The following FAM107B variants were observed in gnomAD, a reference collection of about 807,000 sequenced individuals.
The protein encoded by FAM107B is protein FAM107B.
In FAM107B, 21 loss-of-function variants were observed where a neutral mutation model predicts 31.5. The ratio of observed to expected loss-of-function variants is 0.67; its 90% CI spans 0.47 to 0.96. The LOEUF (loss-of-function observed/expected upper bound fraction) is 0.96. Ranked by LOEUF, FAM107B falls within the 40% of genes least tolerant of loss-of-function variation. FAM107B has a pLI of 0.00. For missense variants in FAM107B, 452 were observed against 377.1 expected (o/e 1.20, Z -1.64); for synonymous variants, 157 against 141.5 (o/e 1.11, Z -0.78).
intron 1 of FAM107B, among the ~76,000 whole-genome samples, chr10:14,763,437 G>A (rs1334479081): frequency 2.0e-5 from 3 of 152,196 alleles, no homozygotes; most frequent in Admixed American, 1.3e-4. Flanking sequence ...TAGGAGGACA[G>A]ACATGTAGCC....
chr10:14,601,897 C>T (rs1852410264), intron 2 of FAM107B, among the ~76,000 whole-genome samples: 1 of 152,092 alleles, frequency 6.6e-6, no homozygotes, highest in Non-Finnish European at 1.5e-5. Flanking sequence ...AGATTTTAAA[C>T]AATTAACAGT....
intron 2 of FAM107B, among the ~76,000 whole-genome samples, chr10:14,566,059 G>T (rs2131214931): frequency 6.6e-6 from 1 of 152,280 alleles, no homozygotes; most frequent in African/African-American, 2.4e-5. Flanking sequence ...TTAGTGCTTT[G>T]CTGTTACCAT....
intron 1 of FAM107B, among the ~76,000 whole-genome samples, chr10:14,713,634 C>T (rs1855712585): frequency 6.6e-6 from 1 of 152,128 alleles, no homozygotes; most frequent in Non-Finnish European, 1.5e-5. Context: ...CCTAGCTTGT[C>T]AGCTCCTGCA....
At chr10:14,572,640 G>GT (rs148138345) in intron 2 of FAM107B, among the ~76,000 whole-genome samples, 1,594 of 150,280 alleles carry the variant, frequency 0.011, 29 homozygotes, top group African/African-American at 0.037. Context: ...GTACCCAGGA[G>GT]TTTGAGGCTG....
intron 1 of FAM107B, among the ~76,000 whole-genome samples, chr10:14,701,374 A>G (rs915547016): frequency 6.6e-6 from 1 of 151,992 alleles, no homozygotes; most frequent in African/African-American, 2.4e-5. Context: ...CCTCCTGAGA[A>G]GCTGGGATCC....
Position 14,568,082 on chromosome 10 carries a change from C to T in FAM107B, c.470-37567G>A, listed in dbSNP as rs973199321. ...GCCAGGGGCCAAAACTTTCAAGGAA[C>T]GAATGAGGAGCTACGACCACGAAAT... On this transcript the variant is annotated intron_variant, in intron 2 of 4. Transcript: ENST00000181796. Among the ~76,000 whole-genome samples, 6 of 152,184 alleles carry T rather than the reference C, an allele frequency of 3.9e-5. No individual in the cohort carries two copies. The East Asian group carries it at 5.8e-4, about 15-fold the overall frequency.
chr10:14,725,346 G>A (rs1324145879), intron 1 of FAM107B, among the ~76,000 whole-genome samples: 1 of 152,172 alleles, frequency 6.6e-6, no homozygotes, highest in Non-Finnish European at 1.5e-5. Context: ...CTCCTCAAAG[G>A]CAAGGTTTGT....
At chr10:14,747,956 T>C (rs1202825658) in intron 1 of FAM107B, among the ~76,000 whole-genome samples, 1 of 152,212 alleles carries the variant, frequency 6.6e-6, no homozygotes, top group African/African-American at 2.4e-5. Context: ...ACCAAGTTCC[T>C]TGCAACCACA....
chr10:14,676,906 T>C (rs2131488152), intron 1 of FAM107B, among the ~76,000 whole-genome samples: 1 of 152,302 alleles, frequency 6.6e-6, no homozygotes, highest in South Asian at 2.1e-4. Flanking sequence ...ACCCGGGTGA[T>C]TGCTGTAGGG....
intron 4 of FAM107B, 68 bp downstream of exon 4, chr10:14,521,801 C>A (rs910913871): frequency 1.3e-6 from 2 of 1,572,474 alleles, no homozygotes; most frequent in South Asian, 2.4e-5. Flanking sequence ...AAATCCTGCC[C>A]GCTCCAACAC....
intron 2 of FAM107B, among the ~76,000 whole-genome samples, chr10:14,610,339 C>T (rs141314273): frequency 0.034 from 5,091 of 150,958 alleles, 231 homozygotes; most frequent in East Asian, 0.24. Context: ...CAAGACTCCA[C>T]TTCAAAAAAA....
At chr10:14,591,146 G>A (rs1852007118) in intron 2 of FAM107B, among the ~76,000 whole-genome samples, 1 of 152,100 alleles carries the variant, frequency 6.6e-6, no homozygotes, top group Admixed American at 6.6e-5. Flanking sequence ...CTCCTTACAA[G>A]TCAGAAAATT....
At chr10:14,693,976 T>C (rs553825227) in intron 1 of FAM107B, among the ~76,000 whole-genome samples, 1 of 152,386 alleles carries the variant, frequency 6.6e-6, no homozygotes, top group African/African-American at 2.4e-5. Flanking sequence ...GCAATATTTT[T>C]CTTTCTGAGT....
intron 1 of FAM107B, among the ~76,000 whole-genome samples, chr10:14,766,503 G>A (rs1037977254): frequency 6.6e-6 from 1 of 152,104 alleles, no homozygotes; most frequent in Non-Finnish European, 1.5e-5. Context: ...TAGGAGGTGA[G>A]TTCAGAGAGG....
At chr10:14,542,231 C>A (rs1488532167) in intron 2 of FAM107B, among the ~76,000 whole-genome samples, 2 of 147,906 alleles carry the variant, frequency 1.4e-5, no homozygotes, top group Admixed American at 1.4e-4. Context: ...GGTCGCGCCA[C>A]TTCACTCCAG....
intron 2 of FAM107B, among the ~76,000 whole-genome samples, chr10:14,629,443 A>T (rs796290726): frequency 0.51 from 13,622 of 26,804 alleles, 2,821 homozygotes; most frequent in East Asian, 0.72. Flanking sequence ...TATTATATAT[A>T]TATTATATAT....
chr10:14,631,076 T>C (rs1252818464), intron 2 of FAM107B, among the ~76,000 whole-genome samples: 3 of 152,154 alleles, frequency 2.0e-5, no homozygotes, highest in Non-Finnish European at 2.9e-5. Context: ...TGCCTCTCTT[T>C]CTATTGTACT....
chr10:14,558,128 G>T (rs758966952), intron 2 of FAM107B, among the ~76,000 whole-genome samples: 1 of 152,140 alleles, frequency 6.6e-6, no homozygotes, highest in Non-Finnish European at 1.5e-5. Context: ...TAAATGCACC[G>T]CCAGACTTGG....
In FAM107B at chr10:14,774,325, A is replaced by G; in HGVS notation, c.339T>C (p.Asp113=). ...ETPEDVPGSL[D]DGADCEAVVF... is the part of the protein sequence containing the mutation. ...CCACTGCTTCACAGTCCGCCCCATCATCCAGGGACCCGGGCACATCTTCAG... is the reference window on the plus strand; with the variant it reads ...CCACTGCTTCACAGTCCGCCCCATCGTCCAGGGACCCGGGCACATCTTCAG... Residue 113 remains aspartate (D), a synonymous_variant, in exon 1 of 5, where the codon GAT becomes GAC. Coordinates refer to ENST00000181796, the MANE Select transcript of FAM107B (RefSeq NM_031453.4). The G allele has an allele frequency of 6.2e-7, 1 of 1,614,218 alleles. No individual in the cohort carries two copies. Among genetic ancestry groups the G allele is most frequent in the Non-Finnish European group, 8.5e-7 (1 of 1,180,038 alleles).
Sources: gnomAD v4.1 joint callset for allele counts (sites outside exome capture counted in the v4.1 genomes callset) on GRCh38, gnomAD v4.1.1 for gene constraint, MANE v1.5 for transcripts, NCBI Gene and HGNC (gene_info 2026-07-23, HGNC 2026-07-21) for gene names.